Variants in HIVEP3 observed in about 807,000 individuals in gnomAD.
HIVEP3 encodes the protein transcription factor HIVEP3.
Under a neutral mutation model 152.8 loss-of-function variants are expected in HIVEP3, and 49 were observed. The observed-to-expected ratio is 0.32, with a 90% CI of 0.26 to 0.41. HIVEP3 has a LOEUF of 0.41. HIVEP3 is among the 10% of genes least tolerant of loss of function. The pLI, the probability that HIVEP3 is intolerant of heterozygous loss-of-function variation, is 1.00. For missense variants in HIVEP3, 2,790 were observed against 3,103.3 expected (o/e 0.90, Z 2.40); for synonymous variants, 1,269 against 1,289.0 (o/e 0.98, Z 0.33).
chr1:41,620,802 C>T (rs1239336473), intron 3 of HIVEP3, among the ~76,000 whole-genome samples: 1 of 152,240 alleles, frequency 6.6e-6, no homozygotes, highest in African/African-American at 2.4e-5. Flanking sequence ...CCCTCCACTC[C>T]TACCCTTTCC....
intron 1 of HIVEP3, among the ~76,000 whole-genome samples, chr1:41,912,635 G>T (rs1032537543): frequency 1.3e-5 from 2 of 152,144 alleles, no homozygotes; most frequent in Non-Finnish European, 2.9e-5. Context: ...ATCATAGTGG[G>T]TTTTTTTCTC....
chr1:41,868,477 C>T (rs949666326), intron 1 of HIVEP3, among the ~76,000 whole-genome samples: 53 of 152,226 alleles, frequency 3.5e-4, no homozygotes, highest in African/African-American at 1.3e-3. Context: ...GCCAGATGAA[C>T]CGATAAGACA....
chr1:41,840,293 CA>C (rs1406308129), intron 1 of HIVEP3, among the ~76,000 whole-genome samples: 1 of 152,148 alleles, frequency 6.6e-6, no homozygotes, highest in Admixed American at 6.5e-5. Flanking sequence ...GAGTAGACCC[CA>C]AATCCAACAT....
At chr1:41,848,243 A>G (rs1367432117) in intron 1 of HIVEP3, 2 of 152,212 alleles carry the variant, frequency 1.3e-5, no homozygotes, top group African/African-American at 2.4e-5. Flanking sequence ...ATAGTATCCA[A>G]TTGCAAAACT....
intron 1 of HIVEP3, among the ~76,000 whole-genome samples, chr1:41,889,868 T>A (rs111569794): frequency 3.0e-4 from 46 of 152,288 alleles, no homozygotes; most frequent in African/African-American, 1.1e-3. Flanking sequence ...AGAACCCTGC[T>A]CCCCACTTAA....
chr1:41,518,804 T>A (rs1642679572), intron 6 of HIVEP3, among the ~76,000 whole-genome samples: 1 of 145,014 alleles, frequency 6.9e-6, no homozygotes, highest in Admixed American at 6.9e-5. Flanking sequence ...AAAAGACAAC[T>A]CAAGTGCAAT....
intron 2 of HIVEP3, among the ~76,000 whole-genome samples, chr1:41,669,422 C>A (rs1439644003): frequency 6.6e-6 from 1 of 152,160 alleles, no homozygotes; most frequent in Non-Finnish European, 1.5e-5. Context: ...GGTGCCCAGA[C>A]ATTTGGCCAA....
rs150255292 is a variant in HIVEP3 at position 41,560,155 on chromosome 1, T to C, written c.5207+15389A>G. Among the ~76,000 whole-genome samples the C allele has an allele frequency of 7.9e-5, 12 of 152,356 alleles. 1 individual carries two copies. The East Asian group carries it at 2.3e-3, about 29-fold the overall frequency. ...AATTCAGAAAAAGAGGTCAACTTTC[T>C]ACATGCCAAGTACATTACACACAAA... On this transcript the variant is annotated intron_variant, in intron 5 of 8. Transcript: ENST00000372583.
intron 2 of HIVEP3, among the ~76,000 whole-genome samples, chr1:41,690,304 T>G (rs1410174377): frequency 6.6e-6 from 1 of 152,136 alleles, no homozygotes; most frequent in Non-Finnish European, 1.5e-5. Flanking sequence ...CTGAGAAACA[T>G]GGCTGGCTCA....
At chr1:41,525,439 A>G (rs918518879) in intron 5 of HIVEP3, among the ~76,000 whole-genome samples, 2 of 152,088 alleles carry the variant, frequency 1.3e-5, no homozygotes, top group Non-Finnish European at 2.9e-5. Context: ...CTTGTCCAAG[A>G]TCCCATAGCC....
At chr1:41,601,194 A>G (rs1374149825) in intron 3 of HIVEP3, among the ~76,000 whole-genome samples, 1 of 152,156 alleles carries the variant, frequency 6.6e-6, no homozygotes, top group Non-Finnish European at 1.5e-5. Context: ...TGAGGCTTCC[A>G]GCTTTGTTCT....
intron 4 of HIVEP3, among the ~76,000 whole-genome samples, chr1:41,577,843 T>C (rs1033960324): frequency 6.6e-6 from 1 of 152,166 alleles, no homozygotes; most frequent in African/African-American, 2.4e-5. Context: ...GAGAGAGGTG[T>C]AGTTGTATAA....
chr1:41,563,240 A>G (rs1365792311), intron 5 of HIVEP3, among the ~76,000 whole-genome samples: 1 of 151,992 alleles, frequency 6.6e-6, no homozygotes, highest in Non-Finnish European at 1.5e-5. Context: ...CCAGCTACTC[A>G]GGAGGCTGAG....
At chr1:42,002,809 C>T (rs1450696883) in intron 1 of HIVEP3, among the ~76,000 whole-genome samples, 7 of 150,212 alleles carry the variant, frequency 4.7e-5, no homozygotes, top group African/African-American at 4.9e-5. Context: ...TGCCCACATG[C>T]TCATACAGCA....
At chr1:41,619,001 G>A (rs918995057) in intron 3 of HIVEP3, among the ~76,000 whole-genome samples, 4 of 152,068 alleles carry the variant, frequency 2.6e-5, no homozygotes, top group African/African-American at 9.7e-5. Flanking sequence ...AGCTGGCCTC[G>A]GGCTGCTGCC....
chr1:42,015,841 C>CTGGCAGG (rs1645519142), intron 1 of HIVEP3, among the ~76,000 whole-genome samples: 1 of 152,268 alleles, frequency 6.6e-6, no homozygotes, highest in South Asian at 2.1e-4. Flanking sequence ...TAACTGGAAA[C>CTGGCAGG]AGTATCCTGC....
chr1:41,828,081 G>A (rs1642854563), intron 1 of HIVEP3, among the ~76,000 whole-genome samples: 1 of 152,224 alleles, frequency 6.6e-6, no homozygotes, highest in Non-Finnish European at 1.5e-5. Flanking sequence ...TGAAGAACAA[G>A]CTTCTGCCAG....
At chr1:41,942,837 T>C (rs1041664374) in intron 1 of HIVEP3, among the ~76,000 whole-genome samples, 2 of 152,146 alleles carry the variant, frequency 1.3e-5, no homozygotes, top group African/African-American at 4.8e-5. Context: ...TTCAGAAGAA[T>C]GAACATAATA....
chr1:42,035,468 C>T (rs1408652129), intron 1 of HIVEP3, among the ~76,000 whole-genome samples: 1 of 152,260 alleles, frequency 6.6e-6, no homozygotes, highest in Non-Finnish European at 1.5e-5. Flanking sequence ...CGCCAGGTCT[C>T]TGCCCTCTGC....
Sources: allele counts gnomAD v4.1 joint callset (sites outside exome capture counted in the v4.1 genomes callset), GRCh38; gene constraint gnomAD v4.1.1; transcripts MANE v1.5; gene names NCBI Gene and HGNC (gene_info 2026-07-23, HGNC 2026-07-21).